DAB1: variants seen among roughly 807,000 people sequenced by gnomAD.
DAB1 encodes disabled homolog 1.
In DAB1, 15 loss-of-function variants were observed where a neutral mutation model predicts 64.6. The observed-to-expected ratio is 0.23, with a 90% CI of 0.16 to 0.36. DAB1 has a LOEUF of 0.36. DAB1 is among the 10% of genes least tolerant of loss of function. DAB1 has a pLI of 1.00. For missense variants in DAB1, 596 were observed against 706.7 expected, an observed-to-expected ratio of 0.84 and a Z score of 1.78; for synonymous variants, 235 against 251.9, an observed-to-expected ratio of 0.93 and a Z score of 0.64.
chr1:58,293,638 C>T (rs913529201), intron 4 of DAB1, among the ~76,000 whole-genome samples: 1 of 152,166 alleles, frequency 6.6e-6, no homozygotes, highest in African/African-American at 2.4e-5. Flanking sequence ...GCTGTACAGG[C>T]CAGCTCTCCA....
chr1:58,114,075 C>T (rs1001518861), intron 5 of DAB1, among the ~76,000 whole-genome samples: 19 of 143,126 alleles, frequency 1.3e-4, no homozygotes, highest in Non-Finnish European at 1.8e-4. Flanking sequence ...AGTGAAACCC[C>T]GTAATTACTA....
intron 6 of DAB1, among the ~76,000 whole-genome samples, chr1:57,673,091 G>C (rs1646526984): frequency 1.3e-5 from 2 of 152,112 alleles, no homozygotes; most frequent in South Asian, 4.1e-4. Context: ...TGGAGGATGG[G>C]AAGTCCAAGA....
At chr1:57,890,811 C>T (rs1157096838) in intron 5 of DAB1, among the ~76,000 whole-genome samples, 2 of 152,108 alleles carry the variant, frequency 1.3e-5, no homozygotes, top group African/African-American at 2.4e-5. Context: ...TATTACCCTG[C>T]GTAAAATCTT....
rs184114375 is a variant in DAB1 at position 58,122,101 on chromosome 1, C to T, written n.387+28410G>A. Among the ~76,000 whole-genome samples, 11 of 152,284 alleles carry T rather than the reference C, an allele frequency of 7.2e-5. 1 individual carries two copies. Among genetic ancestry groups the T allele is most frequent in the African/African-American group, 2.6e-4 (11 of 41,572 alleles). Reference sequence around the variant, plus strand: ...TGCTCTGAGGCCTGGGATCCTTTCACTTGACTTTGATGTACAGAACTGTTT... The same window carrying T: ...TGCTCTGAGGCCTGGGATCCTTTCATTTGACTTTGATGTACAGAACTGTTT... On this transcript the variant is annotated intron_variant and non_coding_transcript_variant, in intron 5 of 20. Coordinates refer to the DAB1 transcript ENST00000485760.
chr1:57,203,494 A>T (rs978478146), intron 2 of DAB1, among the ~76,000 whole-genome samples: 1 of 152,160 alleles, frequency 6.6e-6, no homozygotes, highest in Admixed American at 6.5e-5. Context: ...AGCTGCCATG[A>T]CACTGCCCAT....
intron 5 of DAB1, among the ~76,000 whole-genome samples, chr1:57,915,086 A>T (rs1644706151): frequency 6.6e-6 from 1 of 151,428 alleles, no homozygotes; most frequent in Non-Finnish European, 1.5e-5. Context: ...AGATAAGTAG[A>T]TATGTAGGAA....
chr1:57,250,253 G>A (rs1669223533), intron 2 of DAB1, among the ~76,000 whole-genome samples: 1 of 152,128 alleles, frequency 6.6e-6, no homozygotes, highest in Non-Finnish European at 1.5e-5. Flanking sequence ...AAACACAAAT[G>A]TTAATTCCTC....
intron 5 of DAB1, among the ~76,000 whole-genome samples, chr1:57,895,447 T>G (rs544283551): frequency 6.6e-6 from 1 of 152,284 alleles, no homozygotes; most frequent in South Asian, 2.1e-4. Flanking sequence ...CCTCTAGATA[T>G]TCCAGAAACA....
chr1:58,193,229 C>A (rs1338681677), intron 4 of DAB1, among the ~76,000 whole-genome samples: 1 of 152,056 alleles, frequency 6.6e-6, no homozygotes, highest in East Asian at 1.9e-4. Flanking sequence ...TTAAAAGAAC[C>A]TGGTCCTTTC....
At chr1:57,328,279 C>G (rs1278947156) in intron 1 of DAB1, among the ~76,000 whole-genome samples, 1 of 152,180 alleles carries the variant, frequency 6.6e-6, no homozygotes, top group African/African-American at 2.4e-5. Context: ...AGTCCAACCT[C>G]TGTGCCAGCG....
At chr1:57,917,936 T>C (rs1644751345) in intron 5 of DAB1, among the ~76,000 whole-genome samples, 1 of 151,958 alleles carries the variant, frequency 6.6e-6, no homozygotes, top group Non-Finnish European at 1.5e-5. Context: ...GGCATGGTGG[T>C]GGGAGCCTGT....
intron 1 of DAB1, among the ~76,000 whole-genome samples, chr1:58,529,472 G>A (rs970287543): frequency 3.0e-4 from 45 of 152,330 alleles, no homozygotes; most frequent in African/African-American, 1.1e-3. Context: ...ACATTTTTGA[G>A]ATGATTATTA....
intron 2 of DAB1, among the ~76,000 whole-genome samples, chr1:57,238,084 G>C (rs561010150): frequency 6.6e-6 from 1 of 152,136 alleles, no homozygotes; most frequent in African/African-American, 2.4e-5. Context: ...GGAACCAAAA[G>C]GGGTTTTAGA....
intron 5 of DAB1, among the ~76,000 whole-genome samples, chr1:58,006,437 A>G (rs1016504114): frequency 1.3e-5 from 2 of 152,200 alleles, no homozygotes; most frequent in African/African-American, 4.8e-5. Context: ...TATTAGTAAT[A>G]ATATACTACT....
At chr1:58,308,994 C>A (rs1467617144) in intron 4 of DAB1, among the ~76,000 whole-genome samples, 1 of 151,968 alleles carries the variant, frequency 6.6e-6, no homozygotes, top group South Asian at 2.1e-4. Context: ...ATCTTGTGGT[C>A]CAATGAGTGA....
At chr1:57,612,617 G>A (rs1294245569) in intron 7 of DAB1, among the ~76,000 whole-genome samples, 1 of 152,100 alleles carries the variant, frequency 6.6e-6, no homozygotes, top group East Asian at 1.9e-4. Context: ...TAACAAAGTG[G>A]ATTCTAGAGC....
intron 14 of DAB1, among the ~76,000 whole-genome samples, chr1:57,003,886 A>G (rs1396364995): frequency 6.6e-6 from 1 of 152,190 alleles, no homozygotes; most frequent in Non-Finnish European, 1.5e-5. Context: ...TTCACCCTAA[A>G]GACTTCTCTT....
rs575070964 is a variant in DAB1 at position 57,959,133 on chromosome 1, G to A, written n.388-74971C>T. The stretch of plus-strand genomic sequence containing the variant: ...TAGACCAAGTGTCCACTCCAGAGCA[G>A]TCTTTGATACTGACTCTGCTTATTA... On this transcript the variant is annotated intron_variant and non_coding_transcript_variant, in intron 5 of 20. Transcript: ENST00000485760. Among the ~76,000 whole-genome samples the A allele has an allele frequency of 4.6e-5, 7 of 152,322 alleles. No homozygotes were observed. The South Asian group carries it at 1.5e-3, about 32-fold the overall frequency.
chr1:58,046,016 T>G (rs4097305), intron 5 of DAB1, among the ~76,000 whole-genome samples: 10 of 151,280 alleles, frequency 6.6e-5, no homozygotes, highest in African/African-American at 2.4e-4. Flanking sequence ...GGTTATTAAA[T>G]GACCTTATTT....
Sources: gnomAD v4.1 joint callset for allele counts (sites outside exome capture counted in the v4.1 genomes callset) on GRCh38, gnomAD v4.1.1 for gene constraint, MANE v1.5 for transcripts, NCBI Gene and HGNC (gene_info 2026-07-23, HGNC 2026-07-21) for gene names.